The following PLAC1 variants were observed in gnomAD, a reference collection of about 807,000 sequenced individuals.
The protein encoded by PLAC1 is placenta-specific protein 1.
For synonymous variants in PLAC1, 68 were observed against 62.1 expected (o/e 1.09, Z -0.44); for missense variants, 136 against 163.2 (o/e 0.83, Z 0.91).
intron 1 of PLAC1, among the ~76,000 whole-genome samples, chrX:134,752,887 A>G (rs904661723): frequency 1.8e-5 from 2 of 111,757 alleles, no homozygotes; most frequent in Non-Finnish European, 3.8e-5. Context: ...TAAATTGAAA[A>G]GAGGGCATTC....
intron 1 of PLAC1, among the ~76,000 whole-genome samples, chrX:134,655,571 C>A (rs1375538217): frequency 1.8e-5 from 2 of 111,845 alleles, no homozygotes; most frequent in Admixed American, 1.9e-4. Flanking sequence ...TTTGTAAAAT[C>A]CAGAATCCAA....
At chrX:134,661,969 T>C (rs1175742044), upstream of PLAC1, among the ~76,000 whole-genome samples, 1 of 112,528 alleles carries the variant, frequency 8.9e-6, no homozygotes, top group Admixed American at 9.4e-5. Context: ...CTAGGTGTGG[T>C]GGCTCATGCC....
Position 134,616,334 on chromosome X carries a change from C to G in PLAC1, c.-130-14212G>C, listed in dbSNP as rs760875626. Among the ~76,000 whole-genome samples, 437 of 111,801 alleles carry G rather than the reference C, an allele frequency of 3.9e-3. 1 individual carries two copies. The highest frequency in any genetic ancestry group is 0.014 in the African/African-American group (423 of 30,834). On this transcript the variant is annotated intron_variant, in intron 1 of 2. Transcript: ENST00000359237. The stretch of plus-strand genomic sequence containing the variant: ...TGCCCCCAACTTTCTCTCTTTTTCC[C>G]TCTCAAGATTGCTTCACCTTAGCTG...
intron 1 of PLAC1, among the ~76,000 whole-genome samples, chrX:134,626,200 T>C (rs1250263382): frequency 4.5e-5 from 5 of 111,950 alleles, no homozygotes; most frequent in African/African-American, 1.3e-4. Context: ...GGCGACACCA[T>C]CCTGACCCTT....
chrX:134,677,684 C>A (rs2078480172), intron 2 of PLAC1, among the ~76,000 whole-genome samples: 1 of 111,654 alleles, frequency 9.0e-6, no homozygotes, highest in African/African-American at 3.3e-5. Flanking sequence ...TAATGGCGGC[C>A]ATGGCAGAGT....
At chrX:134,745,647 G>A (rs1283107322) in intron 1 of PLAC1, among the ~76,000 whole-genome samples, 11 of 111,790 alleles carry the variant, frequency 9.8e-5, no homozygotes, top group Middle Eastern at 4.6e-3. Flanking sequence ...AGTCATATCC[G>A]CAGTAACAGG....
At chrX:134,709,015 C>CTCTGTA (rs1188791118) in intron 2 of PLAC1, among the ~76,000 whole-genome samples, 12 of 111,664 alleles carry the variant, frequency 1.1e-4, no homozygotes, top group African/African-American at 3.9e-4. Context: ...TTTGCATCTT[C>CTCTGTA]CCGTGAATCT....
intron 2 of PLAC1, among the ~76,000 whole-genome samples, chrX:134,714,213 T>C (rs1156590590): frequency 9.0e-6 from 1 of 111,641 alleles, no homozygotes; most frequent in East Asian, 2.8e-4. Flanking sequence ...TCCTTGCTTG[T>C]TGCATTTTCA....
At chrX:134,594,845 T>C (rs1244660745) in intron 2 of PLAC1, among the ~76,000 whole-genome samples, 4 of 108,960 alleles carry the variant, frequency 3.7e-5, no homozygotes. Flanking sequence ...ATTTTCTCTA[T>C]TGTTTTCCTT....
chrX:134,742,273 A>T (rs948596320), intron 1 of PLAC1, among the ~76,000 whole-genome samples: 5 of 113,068 alleles, frequency 4.4e-5, no homozygotes, highest in Non-Finnish European at 7.5e-5. Context: ...CACAGCCTGG[A>T]GCATGGAGTA....
intron 1 of PLAC1, among the ~76,000 whole-genome samples, chrX:134,608,517 G>T (rs1208211884): frequency 9.0e-6 from 1 of 111,486 alleles, no homozygotes; most frequent in Admixed American, 9.5e-5. Context: ...GTTATGTAGG[G>T]CAAGGAGGAG....
intron 2 of PLAC1, among the ~76,000 whole-genome samples, chrX:134,591,731 C>T (rs2078040085): frequency 8.9e-6 from 1 of 112,302 alleles, no homozygotes; most frequent in South Asian, 3.7e-4. Flanking sequence ...AAAGAGTTTT[C>T]CAGAGTGGCT....
At position 134,566,671 on chromosome X, in the gene PLAC1, A is replaced by G; in HGVS notation, c.12T>C (p.Phe4=). The G allele has an allele frequency of 8.4e-7, 1 of 1,188,048 alleles. No homozygotes were observed. Among genetic ancestry groups the G allele is most frequent in the Non-Finnish European group, 1.1e-6 (1 of 879,634 alleles). The change falls in exon 3 of 3, where the codon TTT becomes TTC. Residue 4 remains phenylalanine (F), a synonymous_variant. Transcript: ENST00000359237. The part of the protein sequence containing the change: MKV[F]KFIGLMILLT... Reference sequence around the variant, plus strand: ...GGAGGATCATCAGTCCTATGAACTTAAAAACTTTCATCCCTGCAGCCAATC... The same window carrying G: ...GGAGGATCATCAGTCCTATGAACTTGAAAACTTTCATCCCTGCAGCCAATC...
intron 2 of PLAC1, among the ~76,000 whole-genome samples, chrX:134,732,006 C>T (rs1317512528): frequency 1.8e-5 from 2 of 111,634 alleles, no homozygotes; most frequent in Non-Finnish European, 3.8e-5. Flanking sequence ...AGGATCTTAC[C>T]AATGAACTCC....
intron 2 of PLAC1, among the ~76,000 whole-genome samples, chrX:134,690,761 G>A (rs759450738): frequency 2.9e-5 from 3 of 104,722 alleles, no homozygotes; most frequent in South Asian, 4.4e-4. Context: ...GTGAAACCCC[G>A]TCTCTACTAA....
chrX:134,575,681 A>G (rs958936205), intron 2 of PLAC1, among the ~76,000 whole-genome samples: 2 of 107,128 alleles, frequency 1.9e-5, no homozygotes, highest in Non-Finnish European at 3.8e-5. Flanking sequence ...AGGCAGGAGA[A>G]TTGCTTGAAC....
intron 2 of PLAC1, among the ~76,000 whole-genome samples, chrX:134,687,546 G>A (rs868477120): frequency 2.8e-5 from 3 of 108,752 alleles, no homozygotes; most frequent in East Asian, 2.9e-4. Context: ...GGGGGCAGAT[G>A]TAAGGGCCTC....
At chrX:134,755,563 C>G (rs1324565519) in intron 1 of PLAC1, among the ~76,000 whole-genome samples, 1 of 111,398 alleles carries the variant, frequency 9.0e-6, no homozygotes, top group East Asian at 2.8e-4. Context: ...TGGCATTGCT[C>G]CTCCTCTCCA....
chrX:134,629,528 G>A (rs17251951), intron 1 of PLAC1, among the ~76,000 whole-genome samples: 43,125 of 110,099 alleles, frequency 0.39, 7,903 homozygotes, highest in Non-Finnish European at 0.57. Context: ...CCTGAGTGCC[G>A]CTCCCATTTG....
Sources: gnomAD v4.1 joint callset for allele counts (sites outside exome capture counted in the v4.1 genomes callset) on GRCh38, gnomAD v4.1.1 for gene constraint, MANE v1.5 for transcripts, NCBI Gene and HGNC (gene_info 2026-07-23, HGNC 2026-07-21) for gene names.